The following SYNM variants were observed in gnomAD, a reference collection of about 807,000 sequenced individuals.
SYNM encodes synemin.
In SYNM, 95 loss-of-function variants were observed where a neutral mutation model predicts 104.0. The observed-to-expected ratio is 0.91, with a 90% CI of 0.77 to 1.08. The LOEUF is 1.08. Among genes scored for constraint, SYNM ranks in the 50% least tolerant of loss-of-function variants. The pLI is 0.00. For missense variants in SYNM, 2,150 were observed against 2,052.2 expected (o/e 1.05, Z -0.92); for synonymous variants, 918 against 869.0 (o/e 1.06, Z -0.99).
At chr15:99,116,632 G>A (rs2067352201) in intron 2 of SYNM, among the ~76,000 whole-genome samples, 1 of 143,470 alleles carries the variant, frequency 7.0e-6, no homozygotes, top group Non-Finnish European at 1.5e-5. Context: ...ATGTCACATG[G>A]CAAGAGAGCG....
intron 3 of SYNM, among the ~76,000 whole-genome samples, chr15:99,127,636 C>A (rs1555485176): frequency 6.6e-6 from 1 of 152,134 alleles, no homozygotes; most frequent in Non-Finnish European, 1.5e-5. Flanking sequence ...GGGATCTGGT[C>A]TTAGACAACA....
Position 99,105,206 on chromosome 15 carries a change from T to C in SYNM, c.7T>C (p.Ser3Pro). ...ACCCCGCACGCCCGGCAAGATGCTG[T>C]CCTGGCGGCTGCAGACGGGCCCCGA... ML[S>P]WRLQTGPEKA... The change falls in exon 1 of 4, where the codon TCC (serine) becomes CCC (proline). Residue 3 changes from serine (S) to proline (P), a missense_variant. Ser to Pro is a moderately conservative substitution (Grantham distance 74). Transcript: ENST00000336292. 3.8e-6 allele frequency: 6 copies of C among 1,573,374 alleles called. No individual in the cohort carries two copies. Among genetic ancestry groups the C allele is most frequent in the Non-Finnish European group, 5.2e-6 (6 of 1,161,774 alleles).
intron 2 of SYNM, among the ~76,000 whole-genome samples, chr15:99,117,602 A>C (rs1254503046): frequency 6.6e-6 from 1 of 152,200 alleles, no homozygotes; most frequent in African/African-American, 2.4e-5. Context: ...CTGAGTTAGA[A>C]TCAGGAAACT....
chr15:99,107,115 C>A (rs2067253422), intron 1 of SYNM, among the ~76,000 whole-genome samples: 1 of 152,200 alleles, frequency 6.6e-6, no homozygotes, highest in Admixed American at 6.5e-5. Flanking sequence ...GATGGGAAAT[C>A]ATAGAATGCA....
chr15:99,123,060 T>C (rs2067415574), intron 2 of SYNM, among the ~76,000 whole-genome samples: 1 of 152,228 alleles, frequency 6.6e-6, no homozygotes, highest in East Asian at 1.9e-4. Flanking sequence ...GCTCTTACTC[T>C]GTGACAGCCA....
At chr15:99,113,760 GT>G in intron 2 of SYNM, 45 bp downstream of exon 2, 1 of 1,606,990 alleles carries the variant, frequency 6.2e-7, no homozygotes, top group Non-Finnish European at 8.5e-7. Context: ...CCATGGGGGT[GT>G]AACTTGCACA....
Position 99,129,606 on chromosome 15 carries a change from G to A in SYNM, c.1246G>A (p.Gly416Arg), listed in dbSNP as rs781881876. 5.0e-6 allele frequency: 8 copies of A among 1,613,784 alleles called. No homozygotes were observed. Among genetic ancestry groups the A allele is most frequent in the South Asian group, 1.1e-5 (1 of 91,072 alleles). ...CACTACCCAGCAGGAAAACTCATAC[G>A]GAAAAGCCGTCAGCAGTCAAACCAA... is the stretch of plus-strand genomic sequence containing the variant. The part of the protein sequence containing the change: ...SATTQQENSY[G>R]KAVSSQTNVR... Residue 416 changes from glycine (G) to arginine (R), a missense_variant, in exon 4 of 4, where the codon GGA (glycine) becomes AGA (arginine). By Grantham distance (125) the Gly-to-Arg change is moderately radical (BLOSUM62 -2). Transcript: ENST00000336292.
Position 99,129,382 on chromosome 15 carries a change from C to A in SYNM, c.1022C>A (p.Ser341Tyr). The change falls in exon 4 of 4, where the codon TCC becomes TAC. Residue 341 changes from serine (S) to tyrosine (Y), a missense_variant. Ser to Tyr is a moderately radical substitution (Grantham distance 144). Coordinates refer to ENST00000336292, the MANE Select transcript of SYNM (RefSeq NM_145728.3). ...ATTTCTACAGAATTCAGAAACAAATCCTATCACTATACCGACTCACTACTA... is the reference window on the plus strand; with the variant it reads ...ATTTCTACAGAATTCAGAAACAAATACTATCACTATACCGACTCACTACTA... Reference protein sequence around the residue: ...ENMPSEFRNKSYHYTDSLLQR... With the variant: ...ENMPSEFRNKYYHYTDSLLQR... The A allele has an allele frequency of 7.4e-6, 12 of 1,612,002 alleles. No homozygotes were observed. Among genetic ancestry groups the A allele is most frequent in the Non-Finnish European group, 1.0e-5 (12 of 1,178,386 alleles).
chr15:99,130,443 G>A lies in SYNM; in HGVS notation c.2083G>A (p.Asp695Asn). ...AGTTGTGGAGTCTAAACTGACTGAG[G>A]ATGTTGATGTTTCCGATGAAGCTGG... is the stretch of plus-strand genomic sequence containing the variant. Reference protein sequence around the residue: ...EIVVESKLTEDVDVSDEAGLD... With the variant: ...EIVVESKLTENVDVSDEAGLD... The change falls in exon 4 of 4, where the codon GAT becomes AAT. Residue 695 changes from aspartate (D) to asparagine (N), a missense_variant. Asp to Asn is a conservative substitution (Grantham distance 23). Transcript: ENST00000336292. 9.3e-6 allele frequency: 15 copies of A among 1,613,868 alleles called. No individual in the cohort carries two copies. The highest frequency in any genetic ancestry group is 1.7e-5 in the Admixed American group (1 of 60,016).
rs782170336 is a variant in SYNM at position 99,132,667 on chromosome 15, C to T, written c.4307C>T (p.Pro1436Leu). ...TFVLAGSADS[P>L]ELGKLADSSR... ...GTGCTTGCTGGTTCAGCGGACTCCC[C>T]TGAGCTAGGCAAGTTAGCAGACAGC... Residue 1436 changes from proline to leucine, a missense_variant, in exon 4 of 4, where the codon CCT becomes CTT. Pro to Leu is a moderately conservative substitution (Grantham distance 98). Transcript: ENST00000336292. 5 of 1,614,012 alleles carry T rather than the reference C, an allele frequency of 3.1e-6. No individual in the cohort carries two copies. In the Admixed American group the frequency reaches 5.0e-5, roughly 16 times the overall value.
chr15:99,105,591 A>C lies in SYNM; in HGVS notation c.392A>C (p.Glu131Ala). The stretch of plus-strand genomic sequence containing the variant: ...GCGCTGGGCGCGCGCGCCGCCCTCG[A>C]GGCGCTGCTGGGCCGGCTGCAGGCC... ...QEALGARAAL[E>A]ALLGRLQAER... The change falls in exon 1 of 4, where the codon GAG (glutamate) becomes GCG (alanine). Residue 131 changes from glutamate to alanine, a missense_variant. Physicochemically the swap from Glu to Ala is moderately radical, Grantham distance 107 (BLOSUM62 -1). Coordinates refer to ENST00000336292, the MANE Select transcript of SYNM (RefSeq NM_145728.3). 2 of 1,160,274 alleles carry C rather than the reference A, an allele frequency of 1.7e-6. No individual in the cohort carries two copies. Among genetic ancestry groups the C allele is most frequent in the Non-Finnish European group, 2.1e-6 (2 of 940,948 alleles). The allele number at this position is 1,160,274 out of a possible 1,614,324, so 71.9% of individuals were successfully genotyped here. A position where few individuals can be genotyped will look rare whatever the true frequency, so the allele number is the denominator to read the frequency against.
intron 2 of SYNM, 49 bp from the exon 3 acceptor site, chr15:99,126,673 C>T: frequency 6.6e-7 from 1 of 1,519,570 alleles, no homozygotes; most frequent in Non-Finnish European, 8.9e-7. Context: ...AGAGGCACTT[C>T]TTACTCTTTC....
chr15:99,138,314 T>C (rs1435154604), downstream of SYNM, among the ~76,000 whole-genome samples: 2 of 152,126 alleles, frequency 1.3e-5, no homozygotes, highest in African/African-American at 4.8e-5. Flanking sequence ...TCTTTTATTT[T>C]TTTAATTTTT....
Position 99,132,142 on chromosome 15 carries a change from C to A in SYNM, c.3782C>A (p.Ser1261Tyr). 1 of 1,614,032 alleles carries A rather than the reference C, an allele frequency of 6.2e-7. No homozygotes were observed. The highest frequency in any genetic ancestry group is 1.1e-5 in the South Asian group (1 of 91,082). The change falls in exon 4 of 4, where the codon TCT becomes TAT. Residue 1261 changes from serine to tyrosine, a missense_variant. Coordinates refer to ENST00000336292, the MANE Select transcript of SYNM (RefSeq NM_145728.3). ...GAAGAGTCAGTGGGTACCCAGACTT[C>A]TGTCAGGCAACTCCAGTTAGGCCCT... Reference protein sequence around the residue: ...ATEESVGTQTSVRQLQLGPKE... With the variant: ...ATEESVGTQTYVRQLQLGPKE...
chr15:99,119,227 G>T (rs938787340), intron 2 of SYNM, among the ~76,000 whole-genome samples: 61 of 152,230 alleles, frequency 4.0e-4, no homozygotes, highest in Non-Finnish European at 7.8e-4. Context: ...AAACCTCCCT[G>T]GATGATTGTC....
intron 1 of SYNM, among the ~76,000 whole-genome samples, chr15:99,112,142 G>C (rs925770275): frequency 6.6e-6 from 1 of 152,208 alleles, no homozygotes; most frequent in African/African-American, 2.4e-5. Context: ...TGGACCCTCA[G>C]CATCTTGCCG....
At position 99,129,983 on chromosome 15, in the gene SYNM, A is replaced by C; in HGVS notation, c.1623A>C (p.Glu541Asp). The C allele has an allele frequency of 6.2e-7, 1 of 1,612,568 alleles. No individual in the cohort carries two copies. Among genetic ancestry groups the C allele is most frequent in the East Asian group, 2.2e-5 (1 of 44,860 alleles). ...AGGAGAGAAACCTAAGATGGGAAGA[A>C]TTGACAAAGTTAGATAAGGAAGCGA... ...ASEERNLRWEELTKLDKEARQ... is the reference protein window; with the variant it reads ...ASEERNLRWEDLTKLDKEARQ... Residue 541 changes from glutamate (E) to aspartate (D), a missense_variant, in exon 4 of 4, where the codon GAA becomes GAC. Coordinates refer to ENST00000336292, the MANE Select transcript of SYNM (RefSeq NM_145728.3).
At position 99,131,198 on chromosome 15, in the gene SYNM, G is replaced by A; in HGVS notation, c.2838G>A (p.Arg946=). 6.2e-7 allele frequency: 1 copy of A among 1,608,648 alleles called. No homozygotes were observed. Among genetic ancestry groups the A allele is most frequent in the South Asian group, 1.1e-5 (1 of 89,850 alleles). Reference sequence around the variant, plus strand: ...AGGGCATCTCCTCCAAGGAGCCCCGGCAGCAGCTGGTGGAGGTCATCGGGC... The same window carrying A: ...AGGGCATCTCCTCCAAGGAGCCCCGACAGCAGCTGGTGGAGGTCATCGGGC... ...SMKGISSKEP[R]QQLVEVIGQL... Residue 946 remains arginine (R), a synonymous_variant, in exon 4 of 4, where the codon CGG becomes CGA. Transcript: ENST00000336292. This position sits in a 1 kb window ranked among gnomAD's most constrained non-coding sequence, Gnocchi z 4.3.
the SYNM span, chr15:99,141,037 GAGGT>G: frequency 4.6e-5 from 7 of 152,098 alleles, no homozygotes; most frequent in Non-Finnish European, 8.8e-5. Flanking sequence ...AAACCTCAAT[GAGGT>G]AGGTACCATT....
Sources: gnomAD v4.1 joint callset for allele counts (sites outside exome capture counted in the v4.1 genomes callset) on GRCh38, gnomAD v4.1.1 for gene constraint, Gnocchi (gnomAD v3.1) non-coding constraint, MANE v1.5 for transcripts, NCBI Gene and HGNC (gene_info 2026-07-23, HGNC 2026-07-21) for gene names.